GPC6: variants seen among roughly 807,000 people sequenced by gnomAD.
The protein encoded by GPC6 is glypican-6.
GPC6 carries 14 observed loss-of-function variants against 55.2 expected under a neutral mutation model. That is an observed-to-expected ratio of 0.25 (90% CI 0.17 to 0.40). The LOEUF (loss-of-function observed/expected upper bound fraction) is 0.40, where lower values mean the gene tolerates loss of function less well. GPC6 is among the 10% of genes least tolerant of loss of function. The pLI is 1.00. For missense variants in GPC6, 641 were observed against 708.5 expected, an observed-to-expected ratio of 0.90 and a Z score of 1.08; for synonymous variants, 278 against 259.6, an observed-to-expected ratio of 1.07 and a Z score of -0.68.
At chr13:94,279,840 G>T (rs894081025) in intron 4 of GPC6, among the ~76,000 whole-genome samples, 4 of 152,134 alleles carry the variant, frequency 2.6e-5, no homozygotes, top group Non-Finnish European at 4.4e-5. Context: ...CTTTGCATTT[G>T]CTGAGGAGTG....
intron 6 of GPC6, among the ~76,000 whole-genome samples, chr13:94,359,894 A>G (rs1878976500): frequency 6.6e-6 from 1 of 152,234 alleles, no homozygotes; most frequent in Non-Finnish European, 1.5e-5. Context: ...TAATAGGAAA[A>G]TGCAAAGCCC....
intron 3 of GPC6, among the ~76,000 whole-genome samples, chr13:93,888,140 A>G (rs1218260647): frequency 6.6e-6 from 1 of 152,150 alleles, no homozygotes; most frequent in Non-Finnish European, 1.5e-5. Flanking sequence ...TAAACAGGTG[A>G]GGCTGACTAG....
intron 6 of GPC6, among the ~76,000 whole-genome samples, chr13:94,312,462 C>T (rs1389556392): frequency 6.6e-6 from 1 of 152,052 alleles, no homozygotes; most frequent in African/African-American, 2.4e-5. Context: ...TGTTTTGGTG[C>T]GATTTAGAAA....
intron 2 of GPC6, among the ~76,000 whole-genome samples, chr13:93,594,499 T>C (rs566317220): frequency 6.6e-6 from 1 of 152,222 alleles, no homozygotes; most frequent in East Asian, 1.9e-4. Flanking sequence ...GACTGATTTT[T>C]CCCACTTATT....
chr13:93,637,972 C>T (rs1245089028), intron 2 of GPC6, among the ~76,000 whole-genome samples: 1 of 151,886 alleles, frequency 6.6e-6, no homozygotes, highest in Non-Finnish European at 1.5e-5. Context: ...AGATGGAGTA[C>T]TCACCTTAAA....
chr13:94,391,426 G>A (rs759101259), intron 7 of GPC6, among the ~76,000 whole-genome samples: 4 of 152,110 alleles, frequency 2.6e-5, no homozygotes, highest in Non-Finnish European at 5.9e-5. Flanking sequence ...GCGCTTAACC[G>A]TATTTTGATG....
intron 1 of GPC6, among the ~76,000 whole-genome samples, chr13:93,363,290 C>A (rs971178022): frequency 6.6e-6 from 1 of 151,262 alleles, no homozygotes. Flanking sequence ...CCTCCTCCCC[C>A]CACCCCACAA....
At chr13:94,027,159 T>C (rs1882932094) in intron 3 of GPC6, among the ~76,000 whole-genome samples, 1 of 152,140 alleles carries the variant, frequency 6.6e-6, no homozygotes, top group Non-Finnish European at 1.5e-5. Flanking sequence ...GCTTCTCACA[T>C]TTAACACTGG....
At chr13:93,364,605 A>G (rs1221225967) in intron 1 of GPC6, among the ~76,000 whole-genome samples, 1 of 151,892 alleles carries the variant, frequency 6.6e-6, no homozygotes. Flanking sequence ...TGTTTGAAAT[A>G]AATGAATTAT....
At chr13:93,963,993 A>G (rs1465064374) in intron 3 of GPC6, among the ~76,000 whole-genome samples, 1 of 152,026 alleles carries the variant, frequency 6.6e-6, no homozygotes, top group Non-Finnish European at 1.5e-5. Flanking sequence ...CATCCTTTCT[A>G]ATGACTCACT....
intron 3 of GPC6, among the ~76,000 whole-genome samples, chr13:93,995,016 T>C (rs1881473074): frequency 6.6e-6 from 1 of 152,150 alleles, no homozygotes. Context: ...TGTTTTTGCC[T>C]GATTTCAGTT....
At chr13:93,872,835 G>A (rs2140302851) in intron 3 of GPC6, among the ~76,000 whole-genome samples, 1 of 151,948 alleles carries the variant, frequency 6.6e-6, no homozygotes, top group South Asian at 2.1e-4. Context: ...GAAATGATTT[G>A]TGTTTGTTTC....
At chr13:94,321,985 C>G (rs1876850078) in intron 6 of GPC6, among the ~76,000 whole-genome samples, 1 of 152,182 alleles carries the variant, frequency 6.6e-6, no homozygotes, top group African/African-American at 2.4e-5. Context: ...TCCTTGCTGG[C>G]ACCTAGAAAG....
intron 4 of GPC6, among the ~76,000 whole-genome samples, chr13:94,233,886 T>C (rs981492240): frequency 1.3e-5 from 2 of 152,182 alleles, no homozygotes; most frequent in African/African-American, 4.8e-5. Context: ...TAGGATTTGG[T>C]ACTATCCACA....
At chr13:93,288,603 G>T (rs7996491) in intron 1 of GPC6, among the ~76,000 whole-genome samples, 2 of 152,028 alleles carry the variant, frequency 1.3e-5, no homozygotes, top group African/African-American at 4.8e-5. Context: ...TTTTAAAAAG[G>T]CACTTCATAA....
chr13:93,741,117 C>CTTTTTTTT (rs772541106), intron 2 of GPC6, among the ~76,000 whole-genome samples: 9 of 77,184 alleles, frequency 1.2e-4, no homozygotes, highest in Non-Finnish European at 1.9e-4. Context: ...CATCCAGAAT[C>CTTTTTTTT]TTTTTTTTTT....
At chr13:94,142,190 G>A (rs560567433) in intron 4 of GPC6, among the ~76,000 whole-genome samples, 48 of 152,266 alleles carry the variant, frequency 3.2e-4, no homozygotes, top group African/African-American at 9.9e-4. Flanking sequence ...CTATATACAC[G>A]TGTGTAATTG....
At chr13:93,409,442 T>A (rs1488935013) in intron 1 of GPC6, among the ~76,000 whole-genome samples, 1 of 152,184 alleles carries the variant, frequency 6.6e-6, no homozygotes, top group Non-Finnish European at 1.5e-5. Flanking sequence ...ACGTGGTCTG[T>A]GGCCAGAGCC....
rs549425865 is a variant in GPC6 at position 94,111,422 on chromosome 13, T to C, written c.877+83528T>C. Among the ~76,000 whole-genome samples the C allele has an allele frequency of 7.3e-4, 110 of 151,408 alleles. 2 individuals carry two copies. Among genetic ancestry groups the C allele is most frequent in the Admixed American group, 6.5e-3 (99 of 15,162 alleles). ...CAAACCACCATGGCACATGTATTACTATGTAACAAACCTGCACGTTCAGCA... is the reference window on the plus strand; with the variant it reads ...CAAACCACCATGGCACATGTATTACCATGTAACAAACCTGCACGTTCAGCA... On this transcript the variant is annotated intron_variant, in intron 4 of 8. Transcript: ENST00000377047.
Sources: allele counts gnomAD v4.1 joint callset (sites outside exome capture counted in the v4.1 genomes callset), GRCh38; gene constraint gnomAD v4.1.1; transcripts MANE v1.5; gene names NCBI Gene and HGNC (gene_info 2026-07-23, HGNC 2026-07-21).